Variants in NPL observed in about 807,000 individuals in gnomAD.
NPL encodes N-acetylneuraminate lyase.
Under a neutral mutation model 41.1 loss-of-function variants are expected in NPL, and 32 were observed. The observed-to-expected ratio is 0.78, with a 90% CI of 0.59 to 1.05. NPL has a LOEUF of 1.05. Ranked by LOEUF, NPL falls within the 50% of genes least tolerant of loss-of-function variation. NPL has a pLI of 0.00. For synonymous variants in NPL, 128 were observed against 134.9 expected, an observed-to-expected ratio of 0.95 and a Z score of 0.35; for missense variants, 321 against 378.4, an observed-to-expected ratio of 0.85 and a Z score of 1.26.
chr1:182,792,941 C>CGA (rs1666556897), intron 2 of NPL, among the ~76,000 whole-genome samples: 1 of 152,212 alleles, frequency 6.6e-6, no homozygotes. Context: ...TAGCTTATAA[C>CGA]TAAGTACTAC....
intron 11 of NPL, among the ~76,000 whole-genome samples, chr1:182,824,705 G>A (rs931865857): frequency 6.6e-6 from 1 of 152,138 alleles, no homozygotes; most frequent in Non-Finnish European, 1.5e-5. Context: ...GGTGAGGCAG[G>A]AGAATGGCAT....
rs1667696078 is a variant in NPL at position 182,828,800 on chromosome 1, G to A, written c.855G>A (p.Leu285=). 1.2e-6 allele frequency: 2 copies of A among 1,614,156 alleles called. No individual in the cohort carries two copies. Among genetic ancestry groups the A allele is most frequent in the Non-Finnish European group, 8.5e-7 (1 of 1,180,026 alleles). The change falls in exon 13 of 13, where the codon CTG becomes CTA. Residue 285 remains leucine, a synonymous_variant. Transcript: ENST00000367553. The surrounding 1 kb of genome is among the most constrained non-coding windows in gnomAD (Gnocchi z 4.0). ...GIPMGPPRLP[L]QKASREFTDS... ...CAATGGGCCCACCCCGGCTTCCACTGCAGAAAGCCTCCAGGGAGTTTACTG... is the reference window on the plus strand; with the variant it reads ...CAATGGGCCCACCCCGGCTTCCACTACAGAAAGCCTCCAGGGAGTTTACTG...
chr1:182,807,074 G>A (rs949368660), intron 5 of NPL, among the ~76,000 whole-genome samples: 4 of 152,212 alleles, frequency 2.6e-5, no homozygotes, highest in Non-Finnish European at 4.4e-5. Context: ...TCCTGATTTC[G>A]TGATCCACCG....
intron 10 of NPL, 71 bp from the exon 11 acceptor site, chr1:182,822,044 A>G: frequency 1.0e-6 from 1 of 1,004,008 alleles, no homozygotes; most frequent in East Asian, 2.4e-5. Context: ...TTTAAACAGC[A>G]GAGGGATTTG....
At chr1:182,798,475 G>A (rs571283975) in intron 3 of NPL, among the ~76,000 whole-genome samples, 9 of 152,162 alleles carry the variant, frequency 5.9e-5, no homozygotes, top group African/African-American at 1.9e-4. Flanking sequence ...TGATCCGCCC[G>A]TCTCGGCCTC....
chr1:182,802,956 C>T (rs148232148), intron 3 of NPL, among the ~76,000 whole-genome samples: 239 of 152,282 alleles, frequency 1.6e-3, no homozygotes, highest in Middle Eastern at 0.01. Context: ...GCTGCTGTTC[C>T]GCCTTTGAGA....
At chr1:182,808,203 G>A (rs1003598072) in intron 5 of NPL, among the ~76,000 whole-genome samples, 1 of 152,136 alleles carries the variant, frequency 6.6e-6, no homozygotes, top group Non-Finnish European at 1.5e-5. Flanking sequence ...AAAGTGCCTG[G>A]CAGGCACAGT....
At chr1:182,803,047 C>A (rs963200276) in intron 3 of NPL, among the ~76,000 whole-genome samples, 9 of 152,180 alleles carry the variant, frequency 5.9e-5, no homozygotes, top group Non-Finnish European at 1.3e-4. Flanking sequence ...GTTTAAGACT[C>A]CATGTTTGTC....
intron 11 of NPL, 138 bp from the exon 12 acceptor site, chr1:182,825,643 A>G (rs549919915): frequency 4.4e-6 from 3 of 680,346 alleles, no homozygotes; most frequent in African/African-American, 3.6e-5. Context: ...TCACTTGGCT[A>G]TTTTTCTCCA....
intron 5 of NPL, among the ~76,000 whole-genome samples, chr1:182,807,303 A>G (rs566708675): frequency 1.3e-5 from 2 of 152,212 alleles, no homozygotes; most frequent in South Asian, 4.1e-4. Context: ...TATAAAAAAA[A>G]AGGGAGTAAT....
chr1:182,822,431 C>G (rs1667514674), intron 11 of NPL, among the ~76,000 whole-genome samples: 1 of 152,190 alleles, frequency 6.6e-6, no homozygotes, highest in Non-Finnish European at 1.5e-5. Flanking sequence ...TCCTCTCTTC[C>G]TCCTAGAAAG....
chr1:182,823,099 T>C (rs1042381527), intron 11 of NPL, among the ~76,000 whole-genome samples: 5 of 152,194 alleles, frequency 3.3e-5, no homozygotes, highest in African/African-American at 1.2e-4. Context: ...GTAGGGTGGA[T>C]ATGAGAGCAA....
chr1:182,820,051 T>C (rs1404777908), intron 10 of NPL, among the ~76,000 whole-genome samples: 1 of 152,024 alleles, frequency 6.6e-6, no homozygotes, highest in Admixed American at 6.5e-5. Context: ...TTATTTCTCT[T>C]CTCTCTCTCT....
At chr1:182,824,578 A>G (rs1372526421) in intron 11 of NPL, among the ~76,000 whole-genome samples, 6 of 152,148 alleles carry the variant, frequency 3.9e-5, no homozygotes, top group African/African-American at 9.7e-5. Context: ...TGGGCGGATC[A>G]TGAGGTCAGG....
At chr1:182,809,440 T>C (rs144266591) in intron 5 of NPL, 320 of 241,854 alleles carry the variant, frequency 1.3e-3, no homozygotes, top group African/African-American at 6.7e-3. Context: ...AGCAGGAGGC[T>C]AAGGCAGGAG....
chr1:182,814,014 T>C (rs1001806431), intron 6 of NPL, among the ~76,000 whole-genome samples: 1 of 152,228 alleles, frequency 6.6e-6, no homozygotes, highest in Non-Finnish European at 1.5e-5. Context: ...ATATTACAAG[T>C]CAAAGTCTCA....
intron 4 of NPL, among the ~76,000 whole-genome samples, chr1:182,804,139 A>G (rs1666935643): frequency 6.6e-6 from 1 of 152,022 alleles, no homozygotes; most frequent in South Asian, 2.1e-4. Context: ...TTGTTTATTT[A>G]TTTATTGAGA....
At position 182,818,632 on chromosome 1, in the gene NPL, G is replaced by T; in HGVS notation, c.549G>T (p.Gly183=). The change falls in exon 9 of 13, where the codon GGG becomes GGT. Residue 183 remains glycine (G), a synonymous_variant. Transcript: ENST00000367553. ...GTGATACAGATCTCTTAGACTTCGGGCAATGTGTTGATCAGAATCGCCAGC... is the reference window on the plus strand; with the variant it reads ...GTGATACAGATCTCTTAGACTTCGGTCAATGTGTTGATCAGAATCGCCAGC... ...KFSDTDLLDF[G]QCVDQNRQQQ... 1 of 1,614,218 alleles carries T rather than the reference G, an allele frequency of 6.2e-7. No individual in the cohort carries two copies. The highest frequency in any genetic ancestry group is 8.5e-7 in the Non-Finnish European group (1 of 1,180,036).
intron 11 of NPL, among the ~76,000 whole-genome samples, chr1:182,822,433 C>T (rs1403567718): frequency 6.6e-6 from 1 of 152,170 alleles, no homozygotes; most frequent in African/African-American, 2.4e-5. Flanking sequence ...CTCTCTTCCT[C>T]CTAGAAAGGA....
Sources: gnomAD v4.1 joint callset for allele counts (sites outside exome capture counted in the v4.1 genomes callset) on GRCh38, gnomAD v4.1.1 for gene constraint, Gnocchi (gnomAD v3.1) non-coding constraint, MANE v1.5 for transcripts, NCBI Gene and HGNC (gene_info 2026-07-23, HGNC 2026-07-21) for gene names.